Variants in JOSD2 observed in about 807,000 individuals in gnomAD.
The protein encoded by JOSD2 is josephin-2.
JOSD2 carries 20 observed loss-of-function variants against 19.3 expected under a neutral mutation model. That is an observed-to-expected ratio of 1.04 (90% CI 0.73 to 1.51). The LOEUF (loss-of-function observed/expected upper bound fraction) is 1.51, where lower values mean the gene tolerates loss of function less well. Among genes scored for constraint, JOSD2 ranks in the 40% most tolerant of loss-of-function variants. JOSD2 has a pLI of 0.00. For missense variants in JOSD2, 215 were observed against 250.4 expected (o/e 0.86, Z 0.95); for synonymous variants, 118 against 123.7 (o/e 0.95, Z 0.31).
chr19:50,507,393 C>T (rs2122706098), intron 3 of JOSD2, among the ~76,000 whole-genome samples, 181 bp downstream of exon 3: 1 of 152,136 alleles, frequency 6.6e-6, no homozygotes, highest in East Asian at 1.9e-4. Flanking sequence ...TAACCATCAT[C>T]CACCCAGCAT....
At chr19:50,506,927 A>T (rs1301167542) in intron 3 of JOSD2, among the ~76,000 whole-genome samples, 1 of 150,270 alleles carries the variant, frequency 6.7e-6, no homozygotes, top group Non-Finnish European at 1.5e-5. Flanking sequence ...TCCATGCATG[A>T]TCCGCCCACC....
chr19:50,511,016 C>T, intron 1 of JOSD2, 101 bp downstream of exon 1: 1 of 441,608 alleles, frequency 2.3e-6, no homozygotes, highest in South Asian at 1.6e-5. Context: ...CTTCCTATCA[C>T]CCAGCAACCA....
Position 50,506,566 on chromosome 19 carries a change from CAG to C in JOSD2, c.277_278del (p.Leu93ValfsTer59), listed in dbSNP as rs1298014214. 17 of 1,532,810 alleles carry C rather than the reference CAG, an allele frequency of 1.1e-5. No individual in the cohort carries two copies. The East Asian group carries it at 1.5e-4, about 13-fold the overall frequency. 95.0% of individuals were successfully genotyped at this position (1,532,810 alleles called of 1,614,324 possible). On this transcript the variant is annotated frameshift_variant, in exon 4 of 5. Transcript: ENST00000598418. LOFTEE classifies it high-confidence loss of function. Reference sequence around the variant, plus strand: ...GTACCTGGGGCAGGGCCAGCTGGGACAGGGGCCTGTGTGGGCAGGGAGGGGAC... The same window carrying C: ...GTACCTGGGGCAGGGCCAGCTGGGACGGGCCTGTGTGGGCAGGGAGGGGAC... ...AAVWWDRRRP[L>X]SQLALPQVLG...
At chr19:50,507,728 TG>T in intron 2 of JOSD2, 29 bp from the exon 3 acceptor site, 1 of 1,594,518 alleles carries the variant, frequency 6.3e-7, no homozygotes. Flanking sequence ...AGAGCTGAGG[TG>T]GGGACCCCTG....
rs528865538 is a variant in JOSD2, at chr19:50,508,453, G to T, written c.147-754C>A. ...AGGACAGAGTCCCACAAGGCCCTGC[G>T]TGGTCTGGCTCTGGTGGCCTCACCT... On this transcript the variant is annotated intron_variant, in intron 2 of 4. Coordinates refer to ENST00000598418, the MANE Select transcript of JOSD2 (RefSeq NM_001270639.2). Among the ~76,000 whole-genome samples the T allele has an allele frequency of 3.3e-5, 5 of 152,174 alleles. No homozygotes were observed. In the East Asian group the frequency reaches 9.7e-4, roughly 29 times the overall value.
intron 3 of JOSD2, 87 bp from the exon 4 acceptor site, chr19:50,506,659 G>A (rs964510860): frequency 1.6e-6 from 2 of 1,250,534 alleles, no homozygotes; most frequent in Admixed American, 2.7e-5. Flanking sequence ...CCAGGCTGGT[G>A]GTGGTGAGGG....
At chr19:50,510,957 C>CCA (rs1979797959) in intron 1 of JOSD2, 160 bp downstream of exon 1, 26 of 388,890 alleles carry the variant, frequency 6.7e-5, no homozygotes, top group South Asian at 4.7e-4. Flanking sequence ...CTGCTCTTGT[C>CCA]ACCTGGCAAC....
chr19:50,509,389 G>C (rs1035051609), intron 2 of JOSD2, among the ~76,000 whole-genome samples: 2 of 152,042 alleles, frequency 1.3e-5, no homozygotes, highest in Non-Finnish European at 2.9e-5. Context: ...CACTGCGCCC[G>C]GCCAAAGAGT....
chr19:50,510,586 C>T (rs2122717372), intron 1 of JOSD2, 138 bp from the exon 2 acceptor site: 1 of 733,694 alleles, frequency 1.4e-6, no homozygotes, highest in Non-Finnish European at 2.2e-6. Flanking sequence ...CCTGACCCCG[C>T]TCCCTGGCAG....
intron 1 of JOSD2, 92 bp from the exon 2 acceptor site, chr19:50,510,540 G>T: frequency 2.4e-6 from 3 of 1,262,792 alleles, no homozygotes; most frequent in Non-Finnish European, 3.2e-6. Context: ...CATTGATTGA[G>T]CTGGGACTCG....
intron 2 of JOSD2, among the ~76,000 whole-genome samples, chr19:50,509,514 G>A (rs1027757122): frequency 1.3e-5 from 2 of 152,196 alleles, no homozygotes; most frequent in African/African-American, 4.8e-5. Context: ...GGGCTCACGG[G>A]AGTGGAGAGT....
chr19:50,507,446 G>C (rs1979443083), intron 3 of JOSD2, 128 bp downstream of exon 3: 2 of 1,312,116 alleles, frequency 1.5e-6, no homozygotes, highest in Non-Finnish European at 1.0e-6. Flanking sequence ...CAACCCATCA[G>C]TGCCAGGCTT....
At chr19:50,510,149 C>T (rs1979682968) in intron 2 of JOSD2, 137 bp downstream of exon 2, 12 of 1,003,248 alleles carry the variant, frequency 1.2e-5, no homozygotes, top group Admixed American at 2.4e-5. Context: ...TCCCCAGAGT[C>T]CCAGCGTCTA....
chr19:50,506,382 C>T lies in JOSD2; in HGVS notation c.463G>A (p.Val155Ile), dbSNP rs1166151481. ...APEALGDEDG[V>I]RAFLAAALAQ... ...AATCGCCTCTGTGGGGCTCACCTGA[C>T]TCCGTCCTCATCCCCCAGGGCCTCG... The change falls in exon 4 of 5, where the codon GTC becomes ATC. Residue 155 changes from valine to isoleucine, a missense_variant. By Grantham distance (29) the Val-to-Ile change is conservative (BLOSUM62 3). Coordinates refer to ENST00000598418, the MANE Select transcript of JOSD2 (RefSeq NM_001270639.2). The T allele has an allele frequency of 2.5e-6, 4 of 1,606,014 alleles. No homozygotes were observed. In the African/African-American group the frequency reaches 4.0e-5, roughly 16 times the overall value.
At chr19:50,509,511 C>T (rs533920671) in intron 2 of JOSD2, among the ~76,000 whole-genome samples, 80 of 152,194 alleles carry the variant, frequency 5.3e-4, no homozygotes, top group African/African-American at 1.3e-3. Context: ...GAAGGGCTCA[C>T]GGGAGTGGAG....
intron 2 of JOSD2, 52 bp from the exon 3 acceptor site, chr19:50,507,751 C>T: frequency 1.3e-6 from 2 of 1,573,936 alleles, no homozygotes; most frequent in Non-Finnish European, 1.7e-6. Context: ...AAAGGCCTCC[C>T]CACAAAATGG....
chr19:50,506,689 G>A (rs1291870705), intron 3 of JOSD2, 117 bp from the exon 4 acceptor site: 2 of 927,322 alleles, frequency 2.2e-6, no homozygotes, highest in Non-Finnish European at 3.1e-6. Flanking sequence ...CCCACCCAGA[G>A]GTGTTCCTTA....
chr19:50,507,241 C>T (rs1424080498), intron 3 of JOSD2, among the ~76,000 whole-genome samples: 1 of 151,294 alleles, frequency 6.6e-6, no homozygotes, highest in Non-Finnish European at 1.5e-5. Flanking sequence ...ACATGCCCAG[C>T]CACTGGCCAG....
intron 2 of JOSD2, chr19:50,508,090 C>G (rs1002917038): frequency 3.3e-6 from 1 of 306,998 alleles, no homozygotes; most frequent in Non-Finnish European, 6.3e-6. Flanking sequence ...TGTCTTCTCC[C>G]GCAGCCTCCA....
Sources: gnomAD v4.1 joint callset for allele counts (sites outside exome capture counted in the v4.1 genomes callset) on GRCh38, gnomAD v4.1.1 for gene constraint, MANE v1.5 for transcripts, NCBI Gene and HGNC (gene_info 2026-07-23, HGNC 2026-07-21) for gene names.